The following NSMF variants were observed in gnomAD, a reference collection of about 807,000 sequenced individuals.
NSMF encodes nasal embryonic LHRH factor.
A neutral mutation model predicts 71.0 loss-of-function variants in NSMF; 31 were observed. That is an observed-to-expected ratio of 0.44 (90% CI 0.33 to 0.59). NSMF has a LOEUF of 0.59. Among genes scored for constraint, NSMF ranks in the 20% least tolerant of loss-of-function variants. The pLI, the probability that NSMF is intolerant of heterozygous loss-of-function variation, is 0.04. For synonymous variants in NSMF, 345 were observed against 287.1 expected (o/e 1.20, Z -2.04); for missense variants, 673 against 740.5 (o/e 0.91, Z 1.06).
At chr9:137,456,269 C>G in intron 4 of NSMF, 142 bp downstream of exon 4, 1 of 765,052 alleles carries the variant, frequency 1.3e-6, no homozygotes, top group Non-Finnish European at 2.4e-6. Context: ...GCCTCCCTGG[C>G]AGGCCTGGCA....
chr9:137,450,334 G>A, intron 12 of NSMF, 79 bp from the exon 13 acceptor site: 1 of 1,258,504 alleles, frequency 7.9e-7, no homozygotes, highest in East Asian at 2.3e-5. Flanking sequence ...ACATGCGTGG[G>A]AGGTAGTTTT....
Position 137,449,343 on chromosome 9 carries a change from C to T in NSMF, c.*51G>A. The T allele has an allele frequency of 6.6e-7, 1 of 1,505,394 alleles. No individual in the cohort carries two copies. Among genetic ancestry groups the T allele is most frequent in the East Asian group, 2.3e-5 (1 of 43,858 alleles). 93.3% of individuals were successfully genotyped at this position (1,505,394 alleles called of 1,614,324 possible). On this transcript the variant is annotated 3_prime_UTR_variant, in exon 16 of 16. Coordinates refer to ENST00000371475, the MANE Select transcript of NSMF (RefSeq NM_001130969.3). ...AGCACGAGGCGGCCCAGCCCCAGGT[C>T]CCGGTGCAGAGGGAGTGGCCTGATG...
In NSMF at chr9:137,453,969, G is replaced by T; in HGVS notation, c.833-149C>A. On this transcript the variant is annotated intron_variant, in intron 7 of 15. Coordinates refer to ENST00000371475, the MANE Select transcript of NSMF (RefSeq NM_001130969.3). The surrounding 1 kb of genome is among the most constrained non-coding windows in gnomAD (Gnocchi z 4.5). ...GCACATGAAGCAGACACGGACCAGA[G>T]GCTCGGTTGGTTCAGGGGCAGGATC... is the stretch of plus-strand genomic sequence containing the variant. 1.5e-6 allele frequency: 1 copy of T among 678,444 alleles called. No individual in the cohort carries two copies. Among genetic ancestry groups the T allele is most frequent in the South Asian group, 1.7e-5 (1 of 58,000 alleles). 42.0% of individuals were successfully genotyped at this position (678,444 alleles called of 1,614,324 possible).
chr9:137,457,176 C>G lies in NSMF; in HGVS notation c.628+231G>C, dbSNP rs145768561. 4.7e-4 allele frequency among the ~76,000 whole-genome samples: 72 copies of G among 152,270 alleles called. No homozygotes were observed. The East Asian group carries it at 9.6e-3, about 20-fold the overall frequency. ...CTTGATTGACCTGGTGCTAGCAGGG[C>G]GAAAGCGGACTGTGAGGCCTGGCAG... On this transcript the variant is annotated intron_variant, in intron 3 of 15. Transcript: ENST00000371475.
At position 137,453,873 on chromosome 9, in the gene NSMF, T is replaced by A; in HGVS notation, c.833-53A>T. 6.8e-7 allele frequency: 1 copy of A among 1,472,764 alleles called. No homozygotes were observed. The highest frequency in any genetic ancestry group is 2.4e-5 in the East Asian group (1 of 40,896). The allele number at this position is 1,472,764 out of a possible 1,614,324, so 91.2% of individuals were successfully genotyped here. A position where few individuals can be genotyped will look rare whatever the true frequency, so the allele number is the denominator to read the frequency against. ...AGCGGGTGGGGCGGGGCCTCGGGAG[T>A]CTCAGACCCCAGGCGAGGGGACCAC... On this transcript the variant is annotated intron_variant, in intron 7 of 15. Coordinates refer to ENST00000371475, the MANE Select transcript of NSMF (RefSeq NM_001130969.3). This position sits in a 1 kb window ranked among gnomAD's most constrained non-coding sequence, Gnocchi z 4.5.
chr9:137,456,560 C>G, intron 3 of NSMF, 74 bp from the exon 4 acceptor site: 1 of 1,038,108 alleles, frequency 9.6e-7, no homozygotes, highest in Non-Finnish European at 1.5e-6. Flanking sequence ...TGTTGGGAAG[C>G]AGATGCTTCT....
Position 137,453,556 on chromosome 9 carries a change from T to C in NSMF, c.922+175A>G, listed in dbSNP as rs533819560. 5 of 626,872 alleles carry C rather than the reference T, an allele frequency of 8.0e-6. No homozygotes were observed. The highest frequency in any genetic ancestry group is 6.0e-5 in the South Asian group (3 of 50,380). The allele number at this position is 626,872 out of a possible 1,614,324, so 38.8% of individuals were successfully genotyped here. On this transcript the variant is annotated intron_variant, in intron 8 of 15. Coordinates refer to ENST00000371475, the MANE Select transcript of NSMF (RefSeq NM_001130969.3). This position sits in a 1 kb window ranked among gnomAD's most constrained non-coding sequence, Gnocchi z 4.5. The stretch of plus-strand genomic sequence containing the variant: ...CGGCCAGCACTGCCGCGGCCGTTGT[T>C]AGCCCCGCCTTTGCGATCGGAGATG...
chr9:137,452,287 A>G (rs544070047), intron 12 of NSMF, 78 bp downstream of exon 12: 4 of 1,395,234 alleles, frequency 2.9e-6, no homozygotes, highest in Admixed American at 1.8e-5. Context: ...GTCTCCCCCA[A>G]CTTGACTTCT....
rs770255521 is a variant in NSMF at position 137,458,531 on chromosome 9, T to G, written c.90A>C (p.Gly30=). ...AAKVRAARAF[G]EYLSQSHPEN... ...CAGGGTGACTCTGGGACAGGTACTC[T>G]CCAAACGCTCGGGCTGCTCTGAGGG... Residue 30 remains glycine (G), a synonymous_variant, in exon 2 of 16, where the codon GGA becomes GGC. Coordinates refer to ENST00000371475, the MANE Select transcript of NSMF (RefSeq NM_001130969.3). 7 of 1,598,512 alleles carry G rather than the reference T, an allele frequency of 4.4e-6. No individual in the cohort carries two copies. Among genetic ancestry groups the G allele is most frequent in the Non-Finnish European group, 5.1e-6 (6 of 1,174,350 alleles).
At chr9:137,457,946 C>T in intron 2 of NSMF, 45 bp from the exon 3 acceptor site, 1 of 1,535,646 alleles carries the variant, frequency 6.5e-7, no homozygotes, top group Non-Finnish European at 8.7e-7. Context: ...TGTGGGCCCC[C>T]CGCTGCCGGT....
intron 3 of NSMF, among the ~76,000 whole-genome samples, chr9:137,456,754 A>T (rs1206730166): frequency 6.6e-6 from 1 of 152,204 alleles, no homozygotes; most frequent in Non-Finnish European, 1.5e-5. Context: ...TTTGAGAAAC[A>T]TTCCTTTGAA....
chr9:137,456,215 G>C (rs1171455920), intron 4 of NSMF, among the ~76,000 whole-genome samples, 196 bp downstream of exon 4: 1 of 152,118 alleles, frequency 6.6e-6, no homozygotes, highest in Admixed American at 6.5e-5. Context: ...TGTGGGGGGG[G>C]GGGCTGGGCA....
rs1484465725 is a variant in NSMF, at chr9:137,459,170, G to C, written c.-68C>G. 71 of 1,093,486 alleles carry C rather than the reference G, an allele frequency of 6.5e-5. No homozygotes were observed. Among genetic ancestry groups the C allele is most frequent in the Non-Finnish European group, 8.0e-5 (71 of 889,848 alleles). 67.7% of individuals were successfully genotyped at this position (1,093,486 alleles called of 1,614,324 possible). A position where few individuals can be genotyped will look rare whatever the true frequency, so the allele number is the denominator to read the frequency against. On this transcript the variant is annotated 5_prime_UTR_variant, in exon 1 of 16. Coordinates refer to ENST00000371475, the MANE Select transcript of NSMF (RefSeq NM_001130969.3). ...CGCGCCCGCCGCCTCCGCCGGGGTA[G>C]CCGCGCCGCACCGGGGGTCGCGCTC...
rs1057175545 is a variant in NSMF at position 137,453,789 on chromosome 9, G to A, written c.864C>T (p.Ser288=). The part of the protein sequence containing the change: ...TFAERRERSF[S]RSWSDPTPMK... ...TGGGGGTGGGGTCGCTCCAGGACCG[G>A]CTGAAGCTCCGCTCGCGCCGCTCAG... Residue 288 remains serine, a synonymous_variant, in exon 8 of 16, where the codon AGC becomes AGT. Transcript: ENST00000371475. This position sits in a 1 kb window ranked among gnomAD's most constrained non-coding sequence, Gnocchi z 4.5. 6.3e-7 allele frequency: 1 copy of A among 1,599,006 alleles called. No individual in the cohort carries two copies.
chr9:137,453,862 G>A lies in NSMF; in HGVS notation c.833-42C>T, dbSNP rs1390541564. 2 of 1,518,056 alleles carry A rather than the reference G, an allele frequency of 1.3e-6. No homozygotes were observed. The highest frequency in any genetic ancestry group is 2.4e-5 in the East Asian group (1 of 41,692). The allele number at this position is 1,518,056 out of a possible 1,614,324, so 94.0% of individuals were successfully genotyped here. A position where few individuals can be genotyped will look rare whatever the true frequency, so the allele number is the denominator to read the frequency against. The stretch of plus-strand genomic sequence containing the variant: ...CCGCATTAGCGAGCGGGTGGGGCGG[G>A]GCCTCGGGAGTCTCAGACCCCAGGC... On this transcript the variant is annotated intron_variant, in intron 7 of 15. Transcript: ENST00000371475. This position sits in a 1 kb window ranked among gnomAD's most constrained non-coding sequence, Gnocchi z 4.5.
At chr9:137,454,577 G>A (rs1830737808) in intron 6 of NSMF, 134 bp from the exon 7 acceptor site, 6 of 1,547,266 alleles carry the variant, frequency 3.9e-6, no homozygotes, top group South Asian at 1.2e-5. Flanking sequence ...CTGGCTCCTG[G>A]CACCACCTCC....
chr9:137,449,750 G>T, intron 14 of NSMF, 76 bp from the exon 15 acceptor site: 1 of 1,430,228 alleles, frequency 7.0e-7, no homozygotes, highest in Non-Finnish European at 9.7e-7. Context: ...GGGGAGCAGG[G>T]CCCACCCTCT....
chr9:137,458,417 C>G, intron 2 of NSMF, 71 bp downstream of exon 2: 11 of 1,368,142 alleles, frequency 8.0e-6, no homozygotes, highest in Non-Finnish European at 1.1e-5. Flanking sequence ...GCTCCACCCC[C>G]GGAGGCAGGG....
chr9:137,453,966 A>G lies in NSMF; in HGVS notation c.833-146T>C. 1 of 680,940 alleles carries G rather than the reference A, an allele frequency of 1.5e-6. No homozygotes were observed. 42.2% of individuals were successfully genotyped at this position (680,940 alleles called of 1,614,324 possible). The stretch of plus-strand genomic sequence containing the variant: ...AAGGCACATGAAGCAGACACGGACC[A>G]GAGGCTCGGTTGGTTCAGGGGCAGG... On this transcript the variant is annotated intron_variant, in intron 7 of 15. Transcript: ENST00000371475. The surrounding 1 kb of genome is among the most constrained non-coding windows in gnomAD (Gnocchi z 4.5).
Sources: allele counts gnomAD v4.1 joint callset (sites outside exome capture counted in the v4.1 genomes callset), GRCh38; gene constraint gnomAD v4.1.1; non-coding constraint Gnocchi (gnomAD v3.1); transcripts MANE v1.5; gene names NCBI Gene and HGNC (gene_info 2026-07-23, HGNC 2026-07-21).